CERS3: variants seen among roughly 807,000 people sequenced by gnomAD.
The protein encoded by CERS3 is LAG1 homolog, ceramide synthase 3.
Under a neutral mutation model 50.3 loss-of-function variants are expected in CERS3, and 33 were observed. The ratio of observed to expected loss-of-function variants is 0.66; its 90% CI spans 0.50 to 0.88. The LOEUF (loss-of-function observed/expected upper bound fraction) is 0.88, where lower values mean the gene tolerates loss of function less well. Ranked by LOEUF, CERS3 falls within the 40% of genes least tolerant of loss-of-function variation. CERS3 has a pLI of 0.00. For synonymous variants in CERS3, 176 were observed against 155.2 expected (o/e 1.13, Z -0.99); for missense variants, 470 against 460.3 (o/e 1.02, Z -0.19).
At chr15:100,449,594 C>T (rs1020735154) in intron 11 of CERS3, among the ~76,000 whole-genome samples, 5 of 152,162 alleles carry the variant, frequency 3.3e-5, no homozygotes, top group African/African-American at 1.2e-4. Context: ...CCAATAACTG[C>T]ACCCTGAGCC....
At chr15:100,481,412 A>G (rs1248915157) in intron 5 of CERS3, among the ~76,000 whole-genome samples, 2 of 152,178 alleles carry the variant, frequency 1.3e-5, no homozygotes, top group Non-Finnish European at 2.9e-5. Flanking sequence ...ACTTTACTGC[A>G]CTCATTTGAT....
intron 10 of CERS3, among the ~76,000 whole-genome samples, chr15:100,457,393 G>C (rs1366945307): frequency 6.6e-6 from 1 of 152,278 alleles, no homozygotes; most frequent in Admixed American, 6.5e-5. Flanking sequence ...GTATCCTTTG[G>C]TCTGTCTTCC....
chr15:100,443,164 A>AT (rs2033769489), intron 11 of CERS3, among the ~76,000 whole-genome samples: 1 of 149,740 alleles, frequency 6.7e-6, no homozygotes, highest in South Asian at 2.1e-4. Flanking sequence ...CTCCTCTTGT[A>AT]TCCCCCTACC....
chr15:100,437,249 T>C (rs550702118), intron 11 of CERS3, among the ~76,000 whole-genome samples: 65 of 152,162 alleles, frequency 4.3e-4, no homozygotes, highest in Non-Finnish European at 8.7e-4. Context: ...CTGGCCTACA[T>C]TGACAGCATT....
intron 10 of CERS3, among the ~76,000 whole-genome samples, chr15:100,461,202 C>T (rs187859506): frequency 6.6e-6 from 1 of 152,144 alleles, no homozygotes; most frequent in Non-Finnish European, 1.5e-5. Context: ...TGGCTCGAAA[C>T]CTGCATAAGT....
At chr15:100,430,516 C>T (rs2033072429) in intron 11 of CERS3, among the ~76,000 whole-genome samples, 1 of 152,122 alleles carries the variant, frequency 6.6e-6, no homozygotes, top group African/African-American at 2.4e-5. Flanking sequence ...TTTTGAAGTG[C>T]TGTAACTAAA....
intron 2 of CERS3, chr15:100,503,689 T>G (rs1292068078): frequency 1.7e-5 from 8 of 470,792 alleles, no homozygotes; most frequent in African/African-American, 1.2e-4. Context: ...CCTCCCCACT[T>G]TGCTTCACCC....
intron 10 of CERS3, 129 bp from the exon 11 acceptor site, chr15:100,456,175 C>A: frequency 1.8e-6 from 1 of 564,098 alleles, no homozygotes; most frequent in Non-Finnish European, 2.8e-6. Flanking sequence ...AGAAAATTAT[C>A]AAAAGAAAAG....
chr15:100,503,392 T>TTAA (rs2036068825), intron 2 of CERS3, among the ~76,000 whole-genome samples: 1 of 152,258 alleles, frequency 6.6e-6, no homozygotes, highest in East Asian at 1.9e-4. Flanking sequence ...CAATAAATCA[T>TTAA]ATGATCACCC....
intron 11 of CERS3, among the ~76,000 whole-genome samples, chr15:100,438,340 C>T (rs1004453878): frequency 2.0e-5 from 3 of 151,944 alleles, no homozygotes; most frequent in Non-Finnish European, 4.4e-5. Context: ...CCACTGTGCC[C>T]GGCCTGTATT....
At chr15:100,464,664 A>G in intron 10 of CERS3, among the ~76,000 whole-genome samples, 1 of 152,252 alleles carries the variant, frequency 6.6e-6, no homozygotes, top group East Asian at 1.9e-4. Context: ...ATAATGCTCA[A>G]GAAGATAGAT....
intron 2 of CERS3, among the ~76,000 whole-genome samples, chr15:100,517,307 A>G (rs867524386): frequency 8.5e-5 from 13 of 152,200 alleles, no homozygotes; most frequent in South Asian, 4.1e-4. Flanking sequence ...ACATTTCCTC[A>G]TTGATGGCAC....
rs2036039228 is a variant in CERS3 at position 100,502,388 on chromosome 15, T to C, written c.-1-538A>G. 2.6e-5 allele frequency among the ~76,000 whole-genome samples: 4 copies of C among 152,172 alleles called. No individual in the cohort carries two copies. In the South Asian group the frequency reaches 8.3e-4, roughly 32 times the overall value. On this transcript the variant is annotated intron_variant, in intron 2 of 11. Coordinates refer to ENST00000679737, the MANE Select transcript of CERS3 (RefSeq NM_001378789.1). The stretch of plus-strand genomic sequence containing the variant: ...TCCATACCCTCAGGACAATTTTGTT[T>C]ATGGAAAAACTCAAGTTTAACACAT...
chr15:100,425,766 G>A (rs1037979960), intron 11 of CERS3, among the ~76,000 whole-genome samples: 1 of 152,112 alleles, frequency 6.6e-6, no homozygotes, highest in African/African-American at 2.4e-5. Context: ...CATGAGATGT[G>A]GGAGAGGTCA....
At chr15:100,427,636 C>A (rs1458606136) in intron 11 of CERS3, among the ~76,000 whole-genome samples, 2 of 152,188 alleles carry the variant, frequency 1.3e-5, no homozygotes, top group African/African-American at 4.8e-5. Context: ...GTGTGCTGCA[C>A]AAACATCAAT....
At chr15:100,530,272 T>C (rs193185769), upstream of CERS3, among the ~76,000 whole-genome samples, 206 of 152,346 alleles carry the variant, frequency 1.4e-3, 1 homozygote, top group Middle Eastern at 3.4e-3. Flanking sequence ...CCCATTCTCA[T>C]TTCTTTTTCT....
intron 2 of CERS3, among the ~76,000 whole-genome samples, chr15:100,514,916 T>C (rs1275142522): frequency 6.6e-6 from 1 of 152,220 alleles, no homozygotes; most frequent in Non-Finnish European, 1.5e-5. Flanking sequence ...CTTTTCTTAT[T>C]TGATTATTCA....
intron 11 of CERS3, among the ~76,000 whole-genome samples, chr15:100,437,465 G>A (rs989702044): frequency 6.6e-6 from 1 of 152,176 alleles, no homozygotes. Flanking sequence ...AGTCATGAAA[G>A]TCAACTGGCA....
chr15:100,499,806 A>T (rs185906880), intron 3 of CERS3, among the ~76,000 whole-genome samples: 1 of 152,328 alleles, frequency 6.6e-6, no homozygotes, highest in South Asian at 2.1e-4. Flanking sequence ...CTCTTCTGCC[A>T]TCAGGAGTCT....
Sources: gnomAD v4.1 joint callset for allele counts (sites outside exome capture counted in the v4.1 genomes callset) on GRCh38, gnomAD v4.1.1 for gene constraint, MANE v1.5 for transcripts, NCBI Gene and HGNC (gene_info 2026-07-23, HGNC 2026-07-21) for gene names.